The following FAM20A variants were observed in gnomAD, a reference collection of about 807,000 sequenced individuals.
FAM20A encodes the protein FAM20A golgi associated secretory pathway pseudokinase.
A neutral mutation model predicts 52.0 loss-of-function variants in FAM20A; 42 were observed. That is an observed-to-expected ratio of 0.81 (90% confidence interval 0.63 to 1.04). FAM20A has a LOEUF of 1.04. Ranked by LOEUF, FAM20A falls within the 50% of genes least tolerant of loss-of-function variation. FAM20A has a pLI of 0.00. For missense variants in FAM20A, 742 were observed against 712.7 expected (o/e 1.04, Z -0.47); for synonymous variants, 304 against 298.9 (o/e 1.02, Z -0.18).
At chr17:68,581,350 T>TTTTCTTTCTTTCTTTCTCTC (rs2087943789) in intron 1 of FAM20A, among the ~76,000 whole-genome samples, 1 of 92,218 alleles carries the variant, frequency 1.1e-5, no homozygotes, top group Non-Finnish European at 2.1e-5. Flanking sequence ...GAAATGCAGT[T>TTTTCTTTCTTTCTTTCTCTC]TTTCTTTCTT....
intron 1 of FAM20A, among the ~76,000 whole-genome samples, chr17:68,581,388 T>TTCTTTCTTTCTTTC (rs1555832068): frequency 2.0e-5 from 3 of 146,452 alleles, no homozygotes; most frequent in African/African-American, 7.8e-5. Context: ...CTTTCTTTCT[T>TTCTTTCTTTCTTTC]TCTTTCTTTC....
At chr17:68,543,934 CTG>C (rs1427613325) in intron 4 of FAM20A, among the ~76,000 whole-genome samples, 1 of 152,210 alleles carries the variant, frequency 6.6e-6, no homozygotes, top group African/African-American at 2.4e-5. Context: ...TTGCAAGACA[CTG>C]TCCTGCAGGC....
intron 1 of FAM20A, chr17:68,557,544 A>G (rs1429598714): frequency 2.0e-5 from 3 of 152,154 alleles, no homozygotes; most frequent in Non-Finnish European, 2.9e-5. Context: ...CTCACCAGAA[A>G]TGGAATCTGC....
rs1323311068 is a variant in FAM20A at position 68,535,787 on chromosome 17, G to A, written c.*1690C>T. ...TAGGCCCAAAGTGCTGGGATTACAG[G>A]TGTGAGCCCATGCCCAGCTGATTTT... On this transcript the variant is annotated 3_prime_UTR_variant, in exon 11 of 11. Transcript: ENST00000592554. 1 of 453,938 alleles carries A rather than the reference G, an allele frequency of 2.2e-6. No homozygotes were observed. The highest frequency in any genetic ancestry group is 4.4e-6 in the Non-Finnish European group (1 of 226,754). 28.1% of individuals were successfully genotyped at this position (453,938 alleles called of 1,614,324 possible).
chr17:68,549,579 G>A (rs907500376), intron 4 of FAM20A, among the ~76,000 whole-genome samples: 1 of 150,890 alleles, frequency 6.6e-6, no homozygotes, highest in East Asian at 1.9e-4. Flanking sequence ...CTGGTGATTT[G>A]TGGTGCGTTT....
intron 1 of FAM20A, among the ~76,000 whole-genome samples, chr17:68,560,851 T>A (rs145344370): frequency 6.6e-6 from 1 of 152,364 alleles, no homozygotes; most frequent in East Asian, 1.9e-4. Flanking sequence ...GTAGTGACAC[T>A]TCTTGATCCT....
intron 1 of FAM20A, among the ~76,000 whole-genome samples, chr17:68,597,337 T>TA (rs1421982817): frequency 6.6e-6 from 1 of 152,118 alleles, no homozygotes; most frequent in Non-Finnish European, 1.5e-5. Context: ...AGTTTGCTGA[T>TA]ACAATTATTT....
chr17:68,578,154 T>C (rs1157750849), intron 1 of FAM20A, among the ~76,000 whole-genome samples: 5 of 152,194 alleles, frequency 3.3e-5, no homozygotes, highest in African/African-American at 1.2e-4. Flanking sequence ...GCAGGAGCTT[T>C]AAAAATCCAC....
At position 68,537,683 on chromosome 17, in the gene FAM20A, T is replaced by C. The variant is rs765389194; in HGVS notation, c.1420A>G (p.Ser474Gly). 6.2e-7 allele frequency: 1 copy of C among 1,613,742 alleles called. No individual in the cohort carries two copies. Among genetic ancestry groups the C allele is most frequent in the South Asian group, 1.1e-5 (1 of 90,910 alleles). ...AGCAGTGATTCTCGCATCACATCGC[T>C]GAGTCTGTAGTCAGCTTGGGCCAGC... is the stretch of plus-strand genomic sequence containing the variant. ...QLLAQADYRL[S>G]DVMRESLLED... is the part of the protein sequence containing the mutation. Residue 474 changes from serine to glycine, a missense_variant, in exon 11 of 11, where the codon AGC (serine) becomes GGC (glycine). By Grantham distance (56) the Ser-to-Gly change is moderately conservative. Transcript: ENST00000592554. This position sits in a 1 kb window ranked among gnomAD's most constrained non-coding sequence, Gnocchi z 4.2.
Position 68,540,941 on chromosome 17 carries a change from A to C in FAM20A, c.1127T>G (p.Leu376Arg). The C allele has an allele frequency of 6.3e-7, 1 of 1,594,608 alleles. No homozygotes were observed. The highest frequency in any genetic ancestry group is 8.6e-7 in the Non-Finnish European group (1 of 1,169,504). The stretch of plus-strand genomic sequence containing the variant: ...GATCTGTTTCACTGTGTCACAGTAA[A>C]GGGGATTGACCTCCCACCTGAGGGG... ...AGKEEWEVNP[L>R]YCDTVKQIYP... The change falls in exon 8 of 11, where the codon CTT becomes CGT. Residue 376 changes from leucine (L) to arginine (R), a missense_variant. Physicochemically the swap from Leu to Arg is moderately radical, Grantham distance 102. Transcript: ENST00000592554.
At chr17:68,569,661 C>T (rs2087482238) in intron 1 of FAM20A, among the ~76,000 whole-genome samples, 1 of 152,188 alleles carries the variant, frequency 6.6e-6, no homozygotes, top group Non-Finnish European at 1.5e-5. Flanking sequence ...CCCTTTTGCA[C>T]AGCACAGATG....
At position 68,537,422 on chromosome 17, in the gene FAM20A, C is replaced by A; in HGVS notation, c.*55G>T. 6.2e-7 allele frequency: 1 copy of A among 1,611,402 alleles called. No individual in the cohort carries two copies. Among genetic ancestry groups the A allele is most frequent in the Non-Finnish European group, 8.5e-7 (1 of 1,178,986 alleles). Reference sequence around the variant, plus strand: ...GGAGTGAGGACGCAGGGTCGGCACTCGAGTCGACTGCTCTGGCTCCAGGCG... The same window carrying A: ...GGAGTGAGGACGCAGGGTCGGCACTAGAGTCGACTGCTCTGGCTCCAGGCG... On this transcript the variant is annotated 3_prime_UTR_variant, in exon 11 of 11. Transcript: ENST00000592554. This position sits in a 1 kb window ranked among gnomAD's most constrained non-coding sequence, Gnocchi z 4.2.
chr17:68,588,139 G>A (rs28547465), intron 1 of FAM20A, among the ~76,000 whole-genome samples: 111,051 of 149,898 alleles, frequency 0.74, 41,185 homozygotes, highest in East Asian at 0.8. Flanking sequence ...AAAAAAAAAA[G>A]GGGGCCCAGA....
At chr17:68,575,691 A>T in intron 1 of FAM20A, among the ~76,000 whole-genome samples, 1 of 120,500 alleles carries the variant, frequency 8.3e-6, no homozygotes, top group South Asian at 2.3e-4. Context: ...TTTATATTTT[A>T]TATTATATAT....
At chr17:68,598,693 A>G (rs1368222593) in intron 1 of FAM20A, among the ~76,000 whole-genome samples, 1 of 152,142 alleles carries the variant, frequency 6.6e-6, no homozygotes, top group African/African-American at 2.4e-5. Flanking sequence ...GGTGAGAAAG[A>G]TTTTTGCTTT....
Position 68,543,667 on chromosome 17 carries a change from CTG to C in FAM20A, c.772_773del (p.Gln258GlufsTer5). ...AAGCTGCGATCTCAGCATTGTGTCT[CTG>C]AAAGTCAATGAAGTAGAAGAAGTCC... ...PVDFFYFIDF[Q>X]RHNAEIAAFH... On this transcript the variant is annotated frameshift_variant, in exon 5 of 11. Transcript: ENST00000592554. LOFTEE classifies it high-confidence loss of function. The C allele has an allele frequency of 6.2e-7, 1 of 1,614,154 alleles. No homozygotes were observed. Among genetic ancestry groups the C allele is most frequent in the Non-Finnish European group, 8.5e-7 (1 of 1,180,034 alleles).
intron 1 of FAM20A, among the ~76,000 whole-genome samples, chr17:68,588,750 C>T (rs7209623): frequency 0.048 from 7,352 of 152,294 alleles, 588 homozygotes; most frequent in African/African-American, 0.17. Context: ...AAGGCCCTGT[C>T]ACCAAACACA....
At chr17:68,597,528 G>A (rs542267048) in intron 1 of FAM20A, among the ~76,000 whole-genome samples, 1 of 152,150 alleles carries the variant, frequency 6.6e-6, no homozygotes, top group African/African-American at 2.4e-5. Context: ...GGGATTACAG[G>A]TGCCCACCAC....
chr17:68,537,400 G>A lies in FAM20A; in HGVS notation c.*77C>T, dbSNP rs1400982598. On this transcript the variant is annotated 3_prime_UTR_variant, in exon 11 of 11. Transcript: ENST00000592554. This position sits in a 1 kb window ranked among gnomAD's most constrained non-coding sequence, Gnocchi z 4.2. ...TGACTCCCAGCAGTAACAGGTGGGA[G>A]TGAGGACGCAGGGTCGGCACTCGAG... 6.3e-7 allele frequency: 1 copy of A among 1,587,406 alleles called. No homozygotes were observed. The highest frequency in any genetic ancestry group is 1.3e-5 in the African/African-American group (1 of 74,518).
Sources: gnomAD v4.1 joint callset for allele counts (sites outside exome capture counted in the v4.1 genomes callset) on GRCh38, gnomAD v4.1.1 for gene constraint, Gnocchi (gnomAD v3.1) non-coding constraint, MANE v1.5 for transcripts, NCBI Gene and HGNC (gene_info 2026-07-23, HGNC 2026-07-21) for gene names.